Variants in CRNKL1 observed in about 807,000 individuals in gnomAD.
CRNKL1 encodes the protein crooked neck pre-mRNA splicing factor 1, also known as crooked neck-like protein 1.
A neutral mutation model predicts 103.7 loss-of-function variants in CRNKL1; 35 were observed. The ratio of observed to expected loss-of-function variants is 0.34; its 90% CI spans 0.26 to 0.45. CRNKL1 has a LOEUF of 0.45. Ranked by LOEUF, CRNKL1 falls within the 20% of genes least tolerant of loss-of-function variation. The pLI, the probability that CRNKL1 is intolerant of heterozygous loss-of-function variation, is 1.00. For synonymous variants in CRNKL1, 267 were observed against 282.6 expected (o/e 0.94, Z 0.55); for missense variants, 645 against 836.0 (o/e 0.77, Z 2.82).
At chr20:20,052,504 C>T (rs772951381), upstream of CRNKL1, 5 of 1,614,264 alleles carry the variant, frequency 3.1e-6, no homozygotes, top group Non-Finnish European at 4.2e-6. Context: ...TGAGCCGTGA[C>T]GGAGGCGGCA....
rs560421652 is a variant in CRNKL1 at position 20,036,089 on chromosome 20, C to G, written c.*106G>C. ...ACTTAAAAAGTAGCCATCAAAGATA[C>G]CAATCAATTTCTTACTGGTGAAATA... is the stretch of plus-strand genomic sequence containing the variant. On this transcript the variant is annotated 3_prime_UTR_variant, in exon 14 of 14. Transcript: ENST00000536226. The G allele has an allele frequency of 1.7e-6, 2 of 1,148,884 alleles. No homozygotes were observed. Among genetic ancestry groups the G allele is most frequent in the South Asian group, 3.3e-5 (2 of 60,264 alleles). 71.2% of individuals were successfully genotyped at this position (1,148,884 alleles called of 1,614,324 possible).
chr20:20,051,612 T>A (rs149580868), intron 1 of CRNKL1, among the ~76,000 whole-genome samples: 1 of 152,210 alleles, frequency 6.6e-6, no homozygotes, highest in Admixed American at 6.5e-5. Context: ...AATAGTTATG[T>A]AAAGGTCCAG....
chr20:20,054,237 A>G (rs567034264), upstream of CRNKL1, among the ~76,000 whole-genome samples: 1 of 151,392 alleles, frequency 6.6e-6, no homozygotes, highest in South Asian at 2.1e-4. Flanking sequence ...TCTTTATTTT[A>G]TCTTCATTTT....
intron 5 of CRNKL1, 31 bp downstream of exon 5, chr20:20,047,734 T>C (rs1173202129): frequency 1.9e-6 from 3 of 1,598,828 alleles, no homozygotes; most frequent in Non-Finnish European, 2.6e-6. Context: ...AGGACAATCA[T>C]GGCACCATAC....
chr20:20,050,022 G>A (rs962120472), intron 2 of CRNKL1, among the ~76,000 whole-genome samples: 5 of 152,242 alleles, frequency 3.3e-5, no homozygotes, highest in Admixed American at 1.3e-4. Flanking sequence ...TCACCATGTT[G>A]GCTAGGCTGG....
intron 5 of CRNKL1, among the ~76,000 whole-genome samples, chr20:20,046,709 C>T (rs982793765): frequency 3.3e-5 from 5 of 152,174 alleles, no homozygotes; most frequent in Admixed American, 2.0e-4. Flanking sequence ...TCAAACTCCC[C>T]GACTGGCCCC....
chr20:20,041,432 T>G (rs1600245919), intron 9 of CRNKL1, 134 bp downstream of exon 9: 1 of 710,016 alleles, frequency 1.4e-6, no homozygotes, highest in Non-Finnish European at 2.5e-6. Flanking sequence ...GGAGCATATC[T>G]CAGTCTTATT....
chr20:20,038,206 CT>C, intron 12 of CRNKL1, 142 bp downstream of exon 12: 1 of 595,512 alleles, frequency 1.7e-6, no homozygotes, highest in Non-Finnish European at 2.9e-6. Context: ...TCCTCTGAGA[CT>C]CACGTTTCTC....
intron 3 of CRNKL1, 39 bp from the exon 4 acceptor site, chr20:20,048,540 A>G: frequency 6.2e-7 from 1 of 1,604,088 alleles, no homozygotes; most frequent in Non-Finnish European, 8.5e-7. Flanking sequence ...AAAATAGAGC[A>G]TTCAACACAT....
At chr20:20,039,915 G>A in intron 10 of CRNKL1, 67 bp from the exon 11 acceptor site, 1 of 1,504,558 alleles carries the variant, frequency 6.6e-7, no homozygotes, top group Non-Finnish European at 9.1e-7. Context: ...TTATTGCACT[G>A]CCCTAGAGGC....
intron 2 of CRNKL1, among the ~76,000 whole-genome samples, 193 bp from the exon 3 acceptor site, chr20:20,049,624 G>T (rs1254758233): frequency 6.6e-6 from 1 of 152,142 alleles, no homozygotes; most frequent in African/African-American, 2.4e-5. Flanking sequence ...ACTTTAAAAT[G>T]GTCTATGCTT....
intron 1 of CRNKL1, among the ~76,000 whole-genome samples, chr20:20,051,903 A>T (rs552669355): frequency 3.7e-4 from 56 of 151,708 alleles, no homozygotes; most frequent in Non-Finnish European, 6.5e-4. Context: ...CGACCCCCTT[A>T]TTCACGCCCA....
chr20:20,054,410 T>TACACACACAC (rs1246613690), upstream of CRNKL1, among the ~76,000 whole-genome samples: 37 of 132,736 alleles, frequency 2.8e-4, no homozygotes, highest in African/African-American at 1.1e-3. Context: ...TATATATATA[T>TACACACACAC]ATATACACAC....
In CRNKL1 at chr20:20,036,362, A is replaced by T. The variant is rs776397922; in HGVS notation, c.1897T>A (p.Ser633Thr). 9 of 1,613,938 alleles carry T rather than the reference A, an allele frequency of 5.6e-6. No individual in the cohort carries two copies. The African/African-American group carries it at 9.3e-5, about 17-fold the overall frequency. ...KRRKVQTDDG[S>T]DAGWEEYFDY... ...AAGTATTCTTCCCAGCCTGCATCAG[A>T]CTACAGAAATAAAAAATGAAAAGAT... is the stretch of plus-strand genomic sequence containing the variant. The change falls in exon 14 of 14, where the codon TCT becomes ACT. Residue 633 changes from serine to threonine, a missense_variant and splice_region_variant. Coordinates refer to ENST00000536226, the MANE Select transcript of CRNKL1 (RefSeq NM_001278628.2).
Position 20,048,463 on chromosome 20 carries a change from T to A in CRNKL1, c.335A>T (p.Tyr112Phe). 1 of 1,614,180 alleles carries A rather than the reference T, an allele frequency of 6.2e-7. No individual in the cohort carries two copies. Among genetic ancestry groups the A allele is most frequent in the Non-Finnish European group, 8.5e-7 (1 of 1,180,024 alleles). The change falls in exon 4 of 14, where the codon TAC (tyrosine) becomes TTC (phenylalanine). Residue 112 changes from tyrosine to phenylalanine, a missense_variant. Coordinates refer to ENST00000536226, the MANE Select transcript of CRNKL1 (RefSeq NM_001278628.2). ...SIYERALDVD[Y>F]RNITLWLKYA... ...TTTCAGCCAGAGTGTAATATTTCGG[T>A]AGTCTACATCTAAAGCACGCTCGTA... is the stretch of plus-strand genomic sequence containing the variant.
Position 20,036,167 on chromosome 20 carries a change from A to G in CRNKL1, c.*28T>C. The G allele has an allele frequency of 6.2e-7, 1 of 1,601,004 alleles. No homozygotes were observed. Among genetic ancestry groups the G allele is most frequent in the Non-Finnish European group, 8.5e-7 (1 of 1,173,604 alleles). ...TTCCAAACAATTAATTTATAAAAAT[A>G]ACAAAACATTTGTCTATGAAAAAAA... On this transcript the variant is annotated 3_prime_UTR_variant, in exon 14 of 14. Transcript: ENST00000536226.
chr20:20,038,488 A>G, intron 11 of CRNKL1, 38 bp from the exon 12 acceptor site: 1 of 1,222,776 alleles, frequency 8.2e-7, no homozygotes. Context: ...CTTGACATTT[A>G]CAAAGCAGCA....
Position 20,036,190 on chromosome 20 carries a change from A to G in CRNKL1, c.*5T>C, listed in dbSNP as rs2043416035. On this transcript the variant is annotated 3_prime_UTR_variant, in exon 14 of 14. Transcript: ENST00000536226. ...ATAACAAAACATTTGTCTATGAAAA[A>G]AAGATCAGGATTCACTCTCATCGAC... The G allele has an allele frequency of 2.5e-6, 4 of 1,608,562 alleles. No homozygotes were observed. The highest frequency in any genetic ancestry group is 1.7e-5 in the Admixed American group (1 of 58,902).
At chr20:20,045,607 G>T in intron 5 of CRNKL1, 121 bp from the exon 6 acceptor site, 1 of 811,612 alleles carries the variant, frequency 1.2e-6, no homozygotes, top group Non-Finnish European at 1.9e-6. Flanking sequence ...CAACTCTAGG[G>T]GAACAAAACA....
Sources: allele counts gnomAD v4.1 joint callset (sites outside exome capture counted in the v4.1 genomes callset), GRCh38; gene constraint gnomAD v4.1.1; transcripts MANE v1.5; gene names NCBI Gene and HGNC (gene_info 2026-07-23, HGNC 2026-07-21).